Variants in LRRC1 observed in about 807,000 individuals in gnomAD.
The protein encoded by LRRC1 is leucine rich repeat containing 1.
A neutral mutation model predicts 69.9 loss-of-function variants in LRRC1; 28 were observed. The observed-to-expected ratio is 0.40, with a 90% CI of 0.30 to 0.55. The LOEUF (loss-of-function observed/expected upper bound fraction) is 0.55, where lower values mean the gene tolerates loss of function less well. LRRC1 is among the 20% of genes least tolerant of loss of function. The pLI, the probability that LRRC1 is intolerant of heterozygous loss-of-function variation, is 0.47. For missense variants in LRRC1, 498 were observed against 609.0 expected, an observed-to-expected ratio of 0.82 and a Z score of 1.92; for synonymous variants, 236 against 240.2, an observed-to-expected ratio of 0.98 and a Z score of 0.16.
chr6:53,855,389 C>G (rs761964274), intron 2 of LRRC1, among the ~76,000 whole-genome samples: 1 of 152,144 alleles, frequency 6.6e-6, no homozygotes, highest in Non-Finnish European at 1.5e-5. Flanking sequence ...GCAAATTAGG[C>G]AAAACTGGAA....
intron 1 of LRRC1, among the ~76,000 whole-genome samples, chr6:53,811,025 T>C (rs1228537223): frequency 6.6e-6 from 1 of 152,216 alleles, no homozygotes; most frequent in East Asian, 1.9e-4. Flanking sequence ...TATGTGTTTC[T>C]ACCCCAGGCA....
At chr6:53,911,607 G>C (rs566925947) in intron 10 of LRRC1, among the ~76,000 whole-genome samples, 1 of 152,170 alleles carries the variant, frequency 6.6e-6, no homozygotes, top group Non-Finnish European at 1.5e-5. Flanking sequence ...CGCTAGCGGG[G>C]GTCTTCAGCC....
chr6:53,841,288 T>G (rs1476139379), intron 1 of LRRC1, among the ~76,000 whole-genome samples: 2 of 152,218 alleles, frequency 1.3e-5, no homozygotes, highest in Non-Finnish European at 2.9e-5. Context: ...ATATAAATTT[T>G]CAATCAGTTC....
intron 4 of LRRC1, among the ~76,000 whole-genome samples, chr6:53,894,537 G>A (rs934425657): frequency 6.6e-6 from 1 of 152,064 alleles, no homozygotes; most frequent in Admixed American, 6.6e-5. Flanking sequence ...TGTTAAAATA[G>A]GTGTGAAAGT....
At chr6:53,901,746 G>A (rs896836978) in intron 8 of LRRC1, among the ~76,000 whole-genome samples, 6 of 152,180 alleles carry the variant, frequency 3.9e-5, no homozygotes, top group African/African-American at 7.2e-5. Flanking sequence ...TCTCCTGACC[G>A]TGAGGGCAGG....
Position 53,903,201 on chromosome 6 carries a change from C to T in LRRC1, c.906+454C>T, listed in dbSNP as rs145933435. 7.4e-4 allele frequency among the ~76,000 whole-genome samples: 112 copies of T among 152,244 alleles called. 2 individuals carry two copies. The highest frequency in any genetic ancestry group is 2.2e-3 in the African/African-American group (91 of 41,544). On this transcript the variant is annotated intron_variant, in intron 9 of 13. Transcript: ENST00000370888. ...CCTTGGCAGGATGGGGGCTGGGAAACGCTCTTGATCAAGGAGCCAGAGGAT... is the reference window on the plus strand; with the variant it reads ...CCTTGGCAGGATGGGGGCTGGGAAATGCTCTTGATCAAGGAGCCAGAGGAT...
intron 1 of LRRC1, among the ~76,000 whole-genome samples, chr6:53,805,774 C>T (rs1390278091): frequency 2.0e-5 from 3 of 152,176 alleles, no homozygotes; most frequent in Non-Finnish European, 2.9e-5. Flanking sequence ...GTGGTAGAGG[C>T]CCACACTCCT....
chr6:53,796,770 G>T (rs1750977768), intron 1 of LRRC1, among the ~76,000 whole-genome samples: 2 of 152,150 alleles, frequency 1.3e-5, no homozygotes, highest in African/African-American at 4.8e-5. Context: ...CTTAGAAGCA[G>T]CAAAGCCATC....
At chr6:53,913,804 C>T (rs1440398981) in intron 10 of LRRC1, 50 bp from the exon 11 acceptor site, 1 of 1,235,910 alleles carries the variant, frequency 8.1e-7, no homozygotes, top group Admixed American at 1.7e-5. Context: ...GATCCTACTC[C>T]ATCTCCCCTA....
In LRRC1 at chr6:53,915,486, G is replaced by C. The variant is rs1768535343; in HGVS notation, c.1106+1517G>C. Among the ~76,000 whole-genome samples, 4 of 152,272 alleles carry C rather than the reference G, an allele frequency of 2.6e-5. No homozygotes were observed. In the South Asian group the frequency reaches 8.3e-4, roughly 32 times the overall value. ...ACTAAGGCATGAGCCTTTACAGCTT[G>C]AGAAGGGTACTTCTTTCCTGATCTT... On this transcript the variant is annotated intron_variant, in intron 11 of 13. Coordinates refer to ENST00000370888, the MANE Select transcript of LRRC1 (RefSeq NM_018214.5).
At chr6:53,908,782 A>T (rs985211812) in intron 10 of LRRC1, among the ~76,000 whole-genome samples, 10 of 152,158 alleles carry the variant, frequency 6.6e-5, no homozygotes, top group African/African-American at 2.4e-4. Flanking sequence ...CCAATAAGGA[A>T]AAGATGTATT....
chr6:53,919,449 A>G (rs1768669575), intron 11 of LRRC1, 49 bp from the exon 12 acceptor site: 4 of 1,406,474 alleles, frequency 2.8e-6, no homozygotes, highest in Non-Finnish European at 2.8e-6. Context: ...TTTGATTACA[A>G]AATTTGAGGT....
chr6:53,804,851 G>C (rs1764592935), intron 1 of LRRC1, among the ~76,000 whole-genome samples: 1 of 152,162 alleles, frequency 6.6e-6, no homozygotes, highest in Non-Finnish European at 1.5e-5. Flanking sequence ...TTGGATGGAG[G>C]CCTAGAGATT....
chr6:53,841,297 T>C (rs1319084938), intron 1 of LRRC1, among the ~76,000 whole-genome samples: 1 of 152,190 alleles, frequency 6.6e-6, no homozygotes, highest in Admixed American at 6.5e-5. Context: ...TTCAATCAGT[T>C]CTCCTTTCCT....
chr6:53,836,004 T>C (rs777485703), intron 1 of LRRC1, among the ~76,000 whole-genome samples: 2 of 152,192 alleles, frequency 1.3e-5, no homozygotes, highest in Non-Finnish European at 2.9e-5. Flanking sequence ...ATCAGGCAAA[T>C]TTCAAGCTTA....
At chr6:53,837,184 A>G (rs1330664802) in intron 1 of LRRC1, among the ~76,000 whole-genome samples, 2 of 125,958 alleles carry the variant, frequency 1.6e-5, no homozygotes, top group Non-Finnish European at 3.4e-5. Context: ...GCACATTTTT[A>G]TATATATATT....
chr6:53,868,030 G>T (rs1007619455), intron 2 of LRRC1, among the ~76,000 whole-genome samples: 2 of 151,794 alleles, frequency 1.3e-5, no homozygotes, highest in African/African-American at 4.8e-5. Flanking sequence ...AGTAATTTTG[G>T]GTTACATTCC....
At chr6:53,827,890 T>C (rs529158676) in intron 1 of LRRC1, among the ~76,000 whole-genome samples, 84 of 152,148 alleles carry the variant, frequency 5.5e-4, no homozygotes, top group Non-Finnish European at 1.1e-3. Flanking sequence ...ATGTTGATGG[T>C]GTTATTATTA....
intron 4 of LRRC1, among the ~76,000 whole-genome samples, chr6:53,887,491 C>T (rs540124109): frequency 6.7e-6 from 1 of 148,362 alleles, no homozygotes; most frequent in South Asian, 2.2e-4. Context: ...GGTAGGGACT[C>T]TTTGAGGTGC....
Sources: gnomAD v4.1 joint callset for allele counts (sites outside exome capture counted in the v4.1 genomes callset) on GRCh38, gnomAD v4.1.1 for gene constraint, MANE v1.5 for transcripts, NCBI Gene and HGNC (gene_info 2026-07-23, HGNC 2026-07-21) for gene names.